Variants in RGS7 observed in about 807,000 individuals in gnomAD.
RGS7 encodes the protein regulator of G protein signaling 7.
Under a neutral mutation model 81.1 loss-of-function variants are expected in RGS7, and 27 were observed. That is an observed-to-expected ratio of 0.33 (90% CI 0.25 to 0.46). The LOEUF (loss-of-function observed/expected upper bound fraction) is 0.46. Ranked by LOEUF, RGS7 falls within the 20% of genes least tolerant of loss-of-function variation. RGS7 has a pLI of 1.00. For missense variants in RGS7, 396 were observed against 607.4 expected (o/e 0.65, Z 3.66); for synonymous variants, 208 against 207.7 (o/e 1.00, Z -0.01).
chr1:241,221,120 G>GGAAA (rs370749535), intron 2 of RGS7, among the ~76,000 whole-genome samples: 9 of 136,720 alleles, frequency 6.6e-5, no homozygotes, highest in Admixed American at 1.6e-4. Context: ...AGGAAGGGAG[G>GGAAA]GAAAGAAAGA....
At chr1:240,795,502 A>G (rs1358084949) in intron 18 of RGS7, among the ~76,000 whole-genome samples, 2 of 152,180 alleles carry the variant, frequency 1.3e-5, no homozygotes, top group African/African-American at 4.8e-5. Context: ...AAAGAGATAA[A>G]AAGAGATAAA....
chr1:240,935,871 C>T (rs966627995), intron 5 of RGS7, among the ~76,000 whole-genome samples: 1 of 152,144 alleles, frequency 6.6e-6, no homozygotes, highest in Non-Finnish European at 1.5e-5. Context: ...AGTTTGACAT[C>T]CAGCATTTTA....
chr1:241,266,985 G>A (rs2077625302), intron 2 of RGS7, among the ~76,000 whole-genome samples: 1 of 152,114 alleles, frequency 6.6e-6, no homozygotes, highest in Non-Finnish European at 1.5e-5. Flanking sequence ...TAAAGTCTGG[G>A]TCTGCCCGAG....
intron 3 of RGS7, among the ~76,000 whole-genome samples, chr1:241,045,776 T>G (rs2060893800): frequency 6.6e-6 from 1 of 152,196 alleles, no homozygotes; most frequent in African/African-American, 2.4e-5. Context: ...GTACCTTGCT[T>G]GAAAAATCTC....
At chr1:240,812,144 C>T (rs1457925029) in intron 13 of RGS7, 101 bp from the exon 14 acceptor site, 2 of 1,228,366 alleles carry the variant, frequency 1.6e-6, no homozygotes, top group East Asian at 4.7e-5. Flanking sequence ...TCGAAGTTCC[C>T]ATCTTTACCT....
chr1:240,886,278 A>G (rs398877), intron 6 of RGS7, among the ~76,000 whole-genome samples: 4,315 of 152,270 alleles, frequency 0.028, 210 homozygotes, highest in African/African-American at 0.099. Context: ...TTAAAGTACC[A>G]CAATAATCCA....
chr1:240,842,796 G>A (rs1213732814), intron 9 of RGS7, among the ~76,000 whole-genome samples: 1 of 149,246 alleles, frequency 6.7e-6, no homozygotes, highest in Non-Finnish European at 1.5e-5. Context: ...TTTCTTTTTT[G>A]GAGTTCCATT....
At chr1:241,304,559 T>G (rs2079970487) in intron 2 of RGS7, among the ~76,000 whole-genome samples, 2 of 152,122 alleles carry the variant, frequency 1.3e-5, no homozygotes, top group African/African-American at 4.8e-5. Flanking sequence ...CAGCTGGGTA[T>G]AAAAGCAAAT....
chr1:241,120,969 G>A (rs1004237718), intron 2 of RGS7, among the ~76,000 whole-genome samples: 7 of 152,132 alleles, frequency 4.6e-5, no homozygotes, highest in Admixed American at 2.0e-4. Flanking sequence ...CGAGGACACC[G>A]TACCTATATT....
At chr1:240,994,507 T>C (rs1686975315) in intron 3 of RGS7, among the ~76,000 whole-genome samples, 1 of 152,188 alleles carries the variant, frequency 6.6e-6, no homozygotes. Context: ...TACTTTTGTA[T>C]ATTTATTGCA....
chr1:241,259,650 C>CAAAAAAAAAAAA (rs71571832), intron 2 of RGS7, among the ~76,000 whole-genome samples: 18 of 39,890 alleles, frequency 4.5e-4, no homozygotes, highest in African/African-American at 1.5e-3. Flanking sequence ...AACTCCGTCT[C>CAAAAAAAAAAAA]AAAAAAAAAA....
In RGS7 at chr1:241,325,235, G is replaced by C. The variant is rs186904320; in HGVS notation, c.78+30464C>G. Among the ~76,000 whole-genome samples the C allele has an allele frequency of 2.6e-5, 4 of 152,248 alleles. No homozygotes were observed. The East Asian group carries it at 7.7e-4, about 29-fold the overall frequency. On this transcript the variant is annotated intron_variant, in intron 2 of 18. Transcript: ENST00000440928. ...ACTTTCCTAATAAGTTGGTGCTCTT[G>C]AGCACAAAAAGATGAAATTAGATAT... is the stretch of plus-strand genomic sequence containing the variant.
chr1:241,321,566 A>G (rs1348345101), intron 2 of RGS7, among the ~76,000 whole-genome samples: 1 of 152,092 alleles, frequency 6.6e-6, no homozygotes, highest in Non-Finnish European at 1.5e-5. Flanking sequence ...ACATCTTCCA[A>G]ACTTCTCTTT....
chr1:241,239,853 G>A (rs1008714757), intron 2 of RGS7, among the ~76,000 whole-genome samples: 5 of 152,236 alleles, frequency 3.3e-5, no homozygotes, highest in African/African-American at 1.2e-4. Flanking sequence ...GCAGCGTGCA[G>A]AGAACTAGAG....
chr1:240,972,226 G>A (rs915764464), intron 4 of RGS7, among the ~76,000 whole-genome samples: 2 of 152,090 alleles, frequency 1.3e-5, no homozygotes, highest in African/African-American at 4.8e-5. Flanking sequence ...TGAAATAGTT[G>A]TTCAAAAAGG....
chr1:241,056,292 G>C (rs569657842), intron 3 of RGS7, among the ~76,000 whole-genome samples: 3 of 152,204 alleles, frequency 2.0e-5, no homozygotes, highest in African/African-American at 7.2e-5. Context: ...CCTCCTGCTA[G>C]GCATCTTATC....
chr1:240,837,586 A>C (rs1042782896), intron 9 of RGS7, among the ~76,000 whole-genome samples: 1 of 152,170 alleles, frequency 6.6e-6, no homozygotes, highest in Non-Finnish European at 1.5e-5. Context: ...ATGGGTCATC[A>C]AACACCTTAA....
intron 3 of RGS7, among the ~76,000 whole-genome samples, chr1:240,988,049 T>C (rs1297343448): frequency 6.6e-6 from 1 of 152,036 alleles, no homozygotes; most frequent in Non-Finnish European, 1.5e-5. Flanking sequence ...AATTAACTGA[T>C]CTGTCAGTCC....
At chr1:241,253,693 A>T (rs774054528) in intron 2 of RGS7, among the ~76,000 whole-genome samples, 1 of 152,112 alleles carries the variant, frequency 6.6e-6, no homozygotes, top group Non-Finnish European at 1.5e-5. Flanking sequence ...CATAATTCTG[A>T]CTCATGCTGC....
Sources: gnomAD v4.1 joint callset for allele counts (sites outside exome capture counted in the v4.1 genomes callset) on GRCh38, gnomAD v4.1.1 for gene constraint, MANE v1.5 for transcripts, NCBI Gene and HGNC (gene_info 2026-07-23, HGNC 2026-07-21) for gene names.